NLRP8: variants seen among roughly 807,000 people sequenced by gnomAD.
The protein encoded by NLRP8 is NLR family pyrin domain containing 8, also known as NACHT, LRR and PYD domains-containing protein 8.
In NLRP8, 86 loss-of-function variants were observed where a neutral mutation model predicts 88.7. The ratio of observed to expected loss-of-function variants is 0.97; its 90% CI spans 0.81 to 1.16. NLRP8 has a LOEUF of 1.16. NLRP8 is among the 50% of genes most tolerant of loss of function. The pLI is 0.00. For missense variants in NLRP8, 1,342 were observed against 1,286.5 expected, an observed-to-expected ratio of 1.04 and a Z score of -0.66; for synonymous variants, 504 against 494.6, an observed-to-expected ratio of 1.02 and a Z score of -0.25.
chr19:55,982,010 T>C (rs1301929478), intron 9 of NLRP8, among the ~76,000 whole-genome samples: 1 of 152,096 alleles, frequency 6.6e-6, no homozygotes, highest in Non-Finnish European at 1.5e-5. Context: ...CAAGTGATTC[T>C]CCTGCCTCAG....
In NLRP8 at chr19:55,955,339, C is replaced by T. The variant is rs10426765; in HGVS notation, c.1281C>T (p.Phe427=). 18,539 of 1,614,124 alleles carry T rather than the reference C, an allele frequency of 0.011. 691 individuals are homozygous for T. Among genetic ancestry groups the T allele is most frequent in the Admixed American group, 0.09 (5,427 of 60,014 alleles). ...CATGTCCAAATGCCACCTCTGTGTT[C>T]GTCCGGTATATTTCTAGCTTGTTTC... The change falls in exon 3 of 10, where the codon TTC becomes TTT. Residue 427 remains phenylalanine, a synonymous_variant. Transcript: ENST00000291971.
At chr19:55,983,806 A>C (rs934599503) in intron 9 of NLRP8, among the ~76,000 whole-genome samples, 4 of 131,452 alleles carry the variant, frequency 3.0e-5, no homozygotes, top group Admixed American at 1.6e-4. Context: ...AGGAAGACCA[A>C]CCTAGTAGAT....
chr19:55,985,056 C>T (rs967966199), intron 9 of NLRP8, among the ~76,000 whole-genome samples: 8 of 152,198 alleles, frequency 5.3e-5, no homozygotes, highest in African/African-American at 1.9e-4. Context: ...GTCATCCCAA[C>T]ACTTTGGGAG....
rs1318568291 is a variant in NLRP8, at chr19:55,970,614, C to T, written c.2452C>T (p.Leu818=). 6.2e-7 allele frequency: 1 copy of T among 1,614,074 alleles called. No homozygotes were observed. The highest frequency in any genetic ancestry group is 2.2e-5 in the East Asian group (1 of 44,886). ...CAATAATCTTCAAGGTAACGGGCAT[C>T]TAAAGACTCTCATACTAAGAAAAAA... Residue 818 remains leucine (L), a synonymous_variant, in exon 6 of 10, where the codon CTA becomes TTA. Coordinates refer to ENST00000291971, the MANE Select transcript of NLRP8 (RefSeq NM_176811.2).
At position 55,987,976 on chromosome 19, in the gene NLRP8, A is replaced by G. The variant is rs1980932320; in HGVS notation, c.*63A>G. 7.8e-7 allele frequency: 1 copy of G among 1,274,558 alleles called. No homozygotes were observed. The highest frequency in any genetic ancestry group is 1.2e-5 in the South Asian group (1 of 83,400). 79.0% of individuals were successfully genotyped at this position (1,274,558 alleles called of 1,614,324 possible). ...GTTCCCACTCTGACAACTGGCAAAT[A>G]CCAGGCGTTATCATCCTGTATGCAT... On this transcript the variant is annotated 3_prime_UTR_variant, in exon 10 of 10. Transcript: ENST00000291971.
intron 2 of NLRP8, 41 bp from the exon 3 acceptor site, chr19:55,954,460 C>T: frequency 1.3e-6 from 2 of 1,583,066 alleles, no homozygotes; most frequent in Middle Eastern, 3.4e-4. Context: ...GCAATTCACT[C>T]TGATGTCATA....
intron 2 of NLRP8, 113 bp downstream of exon 2, chr19:55,952,725 C>A: frequency 2.5e-6 from 2 of 784,812 alleles, no homozygotes; most frequent in Non-Finnish European, 2.1e-6. Flanking sequence ...AGTGTTTCTT[C>A]TACAATCAGA....
At chr19:55,983,123 C>G (rs531809525) in intron 9 of NLRP8, among the ~76,000 whole-genome samples, 1 of 151,988 alleles carries the variant, frequency 6.6e-6, no homozygotes, top group Non-Finnish European at 1.5e-5. Context: ...ACAACAGATA[C>G]ACAGCAAAGG....
At position 55,987,837 on chromosome 19, in the gene NLRP8, T is replaced by A. The variant is rs1012248493; in HGVS notation, c.3071T>A (p.Ile1024Lys). The A allele has an allele frequency of 3.1e-6, 5 of 1,613,850 alleles. No individual in the cohort carries two copies. The Middle Eastern group carries it at 6.6e-4, about 212-fold the overall frequency. The change falls in exon 10 of 10, where the codon ATA becomes AAA. Residue 1024 changes from isoleucine (I) to lysine (K), a missense_variant. By Grantham distance (102) the Ile-to-Lys change is moderately radical. Coordinates refer to ENST00000291971, the MANE Select transcript of NLRP8 (RefSeq NM_176811.2). ...AGCTGTATTCCTGCCTGGACTCGAA[T>A]AACTAGCTTCTCCCCAACTCCTCAC...
Position 55,957,675 on chromosome 19 carries a change from ATAT to A in NLRP8, c.2042+1576_2042+1578del, listed in dbSNP as rs1568460885. Reference sequence around the variant, plus strand: ...TCTTAAAAAAGAAAAAATAATAATTATATATATATATATATATATATATATATA... The same window carrying A: ...TCTTAAAAAAGAAAAAATAATAATTAATATATATATATATATATATATATA... On this transcript the variant is annotated intron_variant, in intron 3 of 9. Transcript: ENST00000291971. Among the ~76,000 whole-genome samples the A allele has an allele frequency of 2.2e-4, 23 of 105,566 alleles. 1 individual carries two copies. The highest frequency in any genetic ancestry group is 7.8e-4 in the African/African-American group (17 of 21,868). The allele number at this position is 105,566 out of a possible 152,430, so 69.3% of individuals were successfully genotyped here.
rs199848044 is a variant in NLRP8, at chr19:55,977,137, ATATATACG to A, written c.2876+849_2876+856del. 8.5e-3 allele frequency among the ~76,000 whole-genome samples: 1,251 copies of A among 147,100 alleles called. 27 individuals are homozygous for A. Among genetic ancestry groups the A allele is most frequent in the African/African-American group, 0.029 (1,177 of 40,290 alleles). On this transcript the variant is annotated intron_variant, in intron 8 of 9. Coordinates refer to ENST00000291971, the MANE Select transcript of NLRP8 (RefSeq NM_176811.2). The stretch of plus-strand genomic sequence containing the variant: ...ATGTATATAAAGATACATAAGATAC[ATATATACG>A]TATATACGTATATAAAGATACATAA...
intron 9 of NLRP8, among the ~76,000 whole-genome samples, chr19:55,984,469 A>G (rs1012293187): frequency 1.4e-5 from 2 of 146,722 alleles, no homozygotes; most frequent in African/African-American, 5.2e-5. Context: ...GGCCTGGCCA[A>G]CATGGAGAAA....
chr19:55,952,508 C>T lies in NLRP8; in HGVS notation c.368-30C>T, dbSNP rs375983859. The stretch of plus-strand genomic sequence containing the variant: ...CCTGCTACCAAGATCTTATCATTCC[C>T]GTGGAACAGCCTCCTTTTTTCTGTT... On this transcript the variant is annotated intron_variant, in intron 1 of 9. Transcript: ENST00000291971. 4.9e-5 allele frequency: 77 copies of T among 1,586,528 alleles called. No individual in the cohort carries two copies. In the Admixed American group the frequency reaches 5.3e-4, roughly 11 times the overall value.
chr19:55,953,626 C>T (rs898077133), intron 2 of NLRP8, among the ~76,000 whole-genome samples: 4 of 151,670 alleles, frequency 2.6e-5, no homozygotes, highest in South Asian at 2.1e-4. Context: ...TAGCCTCCTG[C>T]GTAGCTGGGA....
At chr19:55,959,201 G>A (rs1022719142) in intron 3 of NLRP8, among the ~76,000 whole-genome samples, 2 of 140,524 alleles carry the variant, frequency 1.4e-5, no homozygotes, top group Admixed American at 1.5e-4. Flanking sequence ...TTGTTTTTTT[G>A]TATGTATGTA....
At chr19:55,968,185 TC>T (rs1979925118) in intron 5 of NLRP8, among the ~76,000 whole-genome samples, 1 of 152,232 alleles carries the variant, frequency 6.6e-6, no homozygotes, top group Non-Finnish European at 1.5e-5. Flanking sequence ...ATGCCTGTAA[TC>T]CCAGCCCTTT....
Position 55,954,775 on chromosome 19 carries a change from T to C in NLRP8, c.717T>C (p.Cys239=), listed in dbSNP as rs1303129837. Residue 239 remains cysteine (C), a synonymous_variant, in exon 3 of 10, where the codon TGT becomes TGC. Coordinates refer to ENST00000291971, the MANE Select transcript of NLRP8 (RefSeq NM_176811.2). Reference sequence around the variant, plus strand: ...AGTTCTACGCCCACAAGCGCTGGTGTGCTTTCTACTTCCATTGCCAAGAGG... The same window carrying C: ...AGTTCTACGCCCACAAGCGCTGGTGCGCTTTCTACTTCCATTGCCAAGAGG... The C allele has an allele frequency of 4.3e-6, 7 of 1,614,078 alleles. No individual in the cohort carries two copies. The highest frequency in any genetic ancestry group is 5.1e-6 in the Non-Finnish European group (6 of 1,180,042).
At position 55,955,852 on chromosome 19, in the gene NLRP8, C is replaced by T. The variant is rs771062255; in HGVS notation, c.1794C>T (p.Asp598=). ...TCATACCTCTGTTGCATAAATGTGA[C>T]CCACCTTCTCCGGGCAGTGGGGTCC... The change falls in exon 3 of 10, where the codon GAC becomes GAT. Residue 598 remains aspartate, a synonymous_variant. Transcript: ENST00000291971. 6.2e-7 allele frequency: 1 copy of T among 1,614,026 alleles called. No homozygotes were observed. Among genetic ancestry groups the T allele is most frequent in the Non-Finnish European group, 8.5e-7 (1 of 1,180,044 alleles).
intron 4 of NLRP8, among the ~76,000 whole-genome samples, chr19:55,965,650 A>G (rs1409006560): frequency 1.9e-5 from 2 of 103,116 alleles, no homozygotes; most frequent in African/African-American, 3.8e-5. Flanking sequence ...TGAGTCATTT[A>G]TTTTTTTAAA....
Sources: allele counts gnomAD v4.1 joint callset (sites outside exome capture counted in the v4.1 genomes callset), GRCh38; gene constraint gnomAD v4.1.1; transcripts MANE v1.5; gene names NCBI Gene and HGNC (gene_info 2026-07-23, HGNC 2026-07-21).